Variants in LRP1B observed in about 807,000 individuals in gnomAD.
The protein encoded by LRP1B is low-density lipoprotein receptor-related protein 1B.
Under a neutral mutation model 556.6 loss-of-function variants are expected in LRP1B, and 217 were observed. That is an observed-to-expected ratio of 0.39 (90% confidence interval 0.35 to 0.44). The LOEUF (loss-of-function observed/expected upper bound fraction) is 0.44. Ranked by LOEUF, LRP1B falls within the 20% of genes least tolerant of loss-of-function variation. The pLI is 1.00. For synonymous variants in LRP1B, 2,047 were observed against 1,865.8 expected (o/e 1.10, Z -2.50); for missense variants, 5,053 against 5,620.8 (o/e 0.90, Z 3.23).
chr2:141,633,592 A>AT (rs1558768002), intron 2 of LRP1B, among the ~76,000 whole-genome samples: 1 of 152,048 alleles, frequency 6.6e-6, no homozygotes, highest in South Asian at 2.1e-4. Flanking sequence ...TTCTATGCTT[A>AT]TTTTTTATTG....
intron 2 of LRP1B, among the ~76,000 whole-genome samples, chr2:141,494,860 G>C (rs1683460706): frequency 6.7e-6 from 1 of 150,216 alleles, no homozygotes; most frequent in Non-Finnish European, 1.5e-5. Context: ...ACACAGAGTT[G>C]TAGCATTACT....
intron 2 of LRP1B, among the ~76,000 whole-genome samples, chr2:141,647,283 A>G (rs1380776727): frequency 6.6e-6 from 1 of 152,182 alleles, no homozygotes; most frequent in Non-Finnish European, 1.5e-5. Context: ...AAAATGTCCA[A>G]GGAAACTTCT....
chr2:141,184,551 CCT>C (rs1038939955), intron 7 of LRP1B, among the ~76,000 whole-genome samples: 1 of 151,744 alleles, frequency 6.6e-6, no homozygotes, highest in African/African-American at 2.4e-5. Context: ...AGATTATACC[CCT>C]TTTTTTCAAT....
intron 41 of LRP1B, among the ~76,000 whole-genome samples, chr2:140,696,966 T>A (rs551210369): frequency 6.6e-6 from 1 of 152,206 alleles, no homozygotes; most frequent in African/African-American, 2.4e-5. Context: ...AGATACACTT[T>A]CTCATAAAAT....
Position 141,999,898 on chromosome 2 carries a change from G to A in LRP1B, c.82+130750C>T, listed in dbSNP as rs979102365. Among the ~76,000 whole-genome samples, 30 of 151,442 alleles carry A rather than the reference G, an allele frequency of 2.0e-4. No homozygotes were observed. In the South Asian group the frequency reaches 2.5e-3, roughly 13 times the overall value. On this transcript the variant is annotated intron_variant, in intron 1 of 90. Coordinates refer to ENST00000389484, the MANE Select transcript of LRP1B (RefSeq NM_018557.3). ...ACTCCCTAATTTGGTAATTAAAACC[G>A]TCGACCTTGTGTCCATTTTATGCCA...
chr2:141,784,091 A>C (rs1047937554), intron 2 of LRP1B, among the ~76,000 whole-genome samples: 2 of 151,946 alleles, frequency 1.3e-5, no homozygotes, highest in Non-Finnish European at 2.9e-5. Context: ...TTTAAAAGTG[A>C]TTATGTGTGG....
chr2:141,531,024 G>A (rs2105191518), intron 2 of LRP1B, among the ~76,000 whole-genome samples: 1 of 151,350 alleles, frequency 6.6e-6, no homozygotes, highest in East Asian at 1.9e-4. Context: ...AACATAATAA[G>A]ATTTATATTT....
chr2:140,847,350 T>A (rs1310725274), intron 29 of LRP1B, among the ~76,000 whole-genome samples: 1 of 152,162 alleles, frequency 6.6e-6, no homozygotes, highest in Non-Finnish European at 1.5e-5. Context: ...AAACTTATCT[T>A]ATAAAGGTTG....
chr2:141,059,002 T>C lies in LRP1B; in HGVS notation c.1289A>G (p.Asn430Ser), dbSNP rs781425561. ...CCTTACGATATTGTAGTTATCAGAA[T>C]TGGTTGCATACAAATAATCTTCAAA... ...TVFEDYLYAT[N>S]SDNYNIVRIN... Residue 430 changes from asparagine to serine, a missense_variant, in exon 9 of 91, where the codon AAT becomes AGT. Asn to Ser is a conservative substitution (Grantham distance 46, BLOSUM62 1). Around this residue, in one of 5 missense-constraint regions of LRP1B, gnomAD observed 3,619 missense variants for 3,931.9 expected, o/e 0.92. Coordinates refer to ENST00000389484, the MANE Select transcript of LRP1B (RefSeq NM_018557.3). 6.9e-6 allele frequency: 11 copies of C among 1,590,824 alleles called. No individual in the cohort carries two copies. The highest frequency in any genetic ancestry group is 8.6e-6 in the Non-Finnish European group (10 of 1,167,406).
intron 7 of LRP1B, among the ~76,000 whole-genome samples, chr2:141,173,809 G>A (rs554121960): frequency 6.6e-6 from 1 of 152,118 alleles, no homozygotes; most frequent in Non-Finnish European, 1.5e-5. Context: ...AATCTTGACT[G>A]CAATTAAGTT....
chr2:141,733,340 T>A lies in LRP1B; in HGVS notation c.205+76939A>T, dbSNP rs549797233. ...CTGTAAGTGTGTGCCCACAGAGAAATGCACCAATCCTGTAGACTTTCATTA... is the reference window on the plus strand; with the variant it reads ...CTGTAAGTGTGTGCCCACAGAGAAAAGCACCAATCCTGTAGACTTTCATTA... On this transcript the variant is annotated intron_variant, in intron 2 of 90. Coordinates refer to ENST00000389484, the MANE Select transcript of LRP1B (RefSeq NM_018557.3). Among the ~76,000 whole-genome samples the A allele has an allele frequency of 7.2e-5, 11 of 152,160 alleles. No individual in the cohort carries two copies. In the South Asian group the frequency reaches 2.3e-3, roughly 32 times the overall value.
intron 1 of LRP1B, among the ~76,000 whole-genome samples, chr2:142,094,422 C>T (rs1019327907): frequency 2.6e-5 from 4 of 151,928 alleles, no homozygotes; most frequent in African/African-American, 4.8e-5. Flanking sequence ...TTTTGAGGGG[C>T]CACTTGGCCT....
At chr2:141,923,121 T>A (rs940750412) in intron 1 of LRP1B, among the ~76,000 whole-genome samples, 1 of 151,594 alleles carries the variant, frequency 6.6e-6, no homozygotes, top group Non-Finnish European at 1.5e-5. Flanking sequence ...TAAAAATAAA[T>A]AAATTCATCT....
chr2:142,058,680 C>G (rs951392163), intron 1 of LRP1B, among the ~76,000 whole-genome samples: 3 of 152,068 alleles, frequency 2.0e-5, no homozygotes, highest in Non-Finnish European at 4.4e-5. Context: ...GCACTTTACT[C>G]CTTCTATTTC....
At chr2:140,521,835 T>C (rs1483303212) in intron 49 of LRP1B, among the ~76,000 whole-genome samples, 1 of 151,916 alleles carries the variant, frequency 6.6e-6, no homozygotes. Context: ...AGATCTATCA[T>C]GCAAATGGAA....
chr2:141,666,238 G>C (rs1690427494), intron 2 of LRP1B, among the ~76,000 whole-genome samples: 1 of 152,178 alleles, frequency 6.6e-6, no homozygotes, highest in African/African-American at 2.4e-5. Flanking sequence ...TCTTAGACAA[G>C]CTCATTGTAG....
At chr2:141,578,064 G>T (rs1267339495) in intron 2 of LRP1B, among the ~76,000 whole-genome samples, 1 of 151,992 alleles carries the variant, frequency 6.6e-6, no homozygotes, top group African/African-American at 2.4e-5. Context: ...ATAAACGGGG[G>T]AAAAAATAGA....
chr2:141,286,221 T>C (rs991738528), intron 3 of LRP1B, among the ~76,000 whole-genome samples: 2 of 152,194 alleles, frequency 1.3e-5, no homozygotes, highest in Non-Finnish European at 2.9e-5. Flanking sequence ...GAAATGTTCA[T>C]ATACTTTTAA....
chr2:141,980,087 TGAGA>T (rs1702001376), intron 1 of LRP1B, among the ~76,000 whole-genome samples: 1 of 152,012 alleles, frequency 6.6e-6, no homozygotes, highest in African/African-American at 2.4e-5. Flanking sequence ...CTAGTATGAG[TGAGA>T]GAAACAAGAG....
Sources: allele counts gnomAD v4.1 joint callset (sites outside exome capture counted in the v4.1 genomes callset), GRCh38; gene constraint gnomAD v4.1.1; regional missense constraint gnomAD v4.1.1; transcripts MANE v1.5; gene names NCBI Gene and HGNC (gene_info 2026-07-23, HGNC 2026-07-21).